PDE4B: variants seen among roughly 807,000 people sequenced by gnomAD.
The protein encoded by PDE4B is phosphodiesterase 4B.
A neutral mutation model predicts 82.2 loss-of-function variants in PDE4B; 20 were observed. That is an observed-to-expected ratio of 0.24 (90% confidence interval 0.17 to 0.35). The LOEUF is 0.35. PDE4B is among the 10% of genes least tolerant of loss of function. The pLI is 1.00. For synonymous variants in PDE4B, 320 were observed against 318.9 expected, an observed-to-expected ratio of 1.00 and a Z score of -0.04; for missense variants, 655 against 907.2, an observed-to-expected ratio of 0.72 and a Z score of 3.57.
At chr1:66,081,853 T>C (rs2100962875) in intron 3 of PDE4B, among the ~76,000 whole-genome samples, 1 of 152,004 alleles carries the variant, frequency 6.6e-6, no homozygotes, top group African/African-American at 2.4e-5. Context: ...TGTGTGTGTG[T>C]GTGTGTGTGT....
intron 7 of PDE4B, among the ~76,000 whole-genome samples, chr1:66,327,441 A>AT (rs1223938533): frequency 2.0e-5 from 3 of 152,286 alleles, no homozygotes; most frequent in South Asian, 2.1e-4. Flanking sequence ...AAAATGTGAG[A>AT]TTTTTTATCA....
intron 8 of PDE4B, among the ~76,000 whole-genome samples, chr1:66,353,975 G>A (rs764752209): frequency 6.6e-6 from 1 of 152,076 alleles, no homozygotes; most frequent in Non-Finnish European, 1.5e-5. Flanking sequence ...TGAGCTGATG[G>A]AGGGCAGAAA....
At chr1:65,838,297 A>G (rs1646164603) in intron 1 of PDE4B, among the ~76,000 whole-genome samples, 1 of 152,096 alleles carries the variant, frequency 6.6e-6, no homozygotes, top group African/African-American at 2.4e-5. Context: ...AATATTGACA[A>G]GAAATTTAAT....
chr1:66,260,192 A>C (rs1301463775), intron 6 of PDE4B, among the ~76,000 whole-genome samples: 2 of 152,150 alleles, frequency 1.3e-5, no homozygotes, highest in Non-Finnish European at 2.9e-5. Context: ...TGTTACCCCC[A>C]CTCTATGGAT....
chr1:66,116,311 G>A (rs1353603662), intron 3 of PDE4B, among the ~76,000 whole-genome samples: 2 of 152,088 alleles, frequency 1.3e-5, no homozygotes, highest in East Asian at 3.8e-4. Flanking sequence ...CCATTAAAAA[G>A]CTGGTTTGGA....
chr1:66,319,941 T>C (rs1461304243), intron 7 of PDE4B, among the ~76,000 whole-genome samples: 1 of 152,148 alleles, frequency 6.6e-6, no homozygotes, highest in African/African-American at 2.4e-5. Flanking sequence ...CTCTCCAAAA[T>C]TTGGCCCTGA....
At chr1:65,992,766 C>T (rs551058401) in intron 3 of PDE4B, 25 of 1,409,652 alleles carry the variant, frequency 1.8e-5, no homozygotes, top group Admixed American at 3.1e-5. Flanking sequence ...TGCTCTAAGA[C>T]GCTCATACAT....
chr1:65,829,481 A>G (rs1431996418), intron 1 of PDE4B, among the ~76,000 whole-genome samples: 1 of 152,208 alleles, frequency 6.6e-6, no homozygotes, highest in Admixed American at 6.5e-5. Context: ...ACTCCAATCA[A>G]CAAAAACATA....
chr1:66,191,636 A>G (rs544156938), intron 3 of PDE4B, among the ~76,000 whole-genome samples: 1 of 152,268 alleles, frequency 6.6e-6, no homozygotes, highest in East Asian at 1.9e-4. Context: ...TGCAAGTGGA[A>G]GGGGAGAATC....
At chr1:66,170,734 G>A (rs1239536075) in intron 3 of PDE4B, among the ~76,000 whole-genome samples, 1 of 152,166 alleles carries the variant, frequency 6.6e-6, no homozygotes, top group Admixed American at 6.6e-5. Flanking sequence ...TCCATGAACT[G>A]TGTCTCCATT....
chr1:65,814,226 T>C (rs1004765688), intron 1 of PDE4B, among the ~76,000 whole-genome samples: 3 of 152,228 alleles, frequency 2.0e-5, no homozygotes, highest in Non-Finnish European at 4.4e-5. Flanking sequence ...TTCCTCTAGC[T>C]GGCTGGACTG....
intron 3 of PDE4B, among the ~76,000 whole-genome samples, chr1:66,178,118 T>C (rs1646973466): frequency 6.6e-6 from 1 of 151,882 alleles, no homozygotes; most frequent in Non-Finnish European, 1.5e-5. Flanking sequence ...TCAGGATAGG[T>C]AACATATTTT....
chr1:66,328,212 A>G lies in PDE4B; in HGVS notation c.635-4296A>G, dbSNP rs951048496. On this transcript the variant is annotated intron_variant, in intron 7 of 16. Coordinates refer to ENST00000341517, the MANE Select transcript of PDE4B (RefSeq NM_002600.4). ...AATACCCAGCAAACTTATAGAAGGAAGAAAATCTTTCTGTGCCACTCTTGT... is the reference window on the plus strand; with the variant it reads ...AATACCCAGCAAACTTATAGAAGGAGGAAAATCTTTCTGTGCCACTCTTGT... 2.6e-5 allele frequency among the ~76,000 whole-genome samples: 4 copies of G among 152,234 alleles called. No individual in the cohort carries two copies. The East Asian group carries it at 7.7e-4, about 29-fold the overall frequency.
intron 3 of PDE4B, among the ~76,000 whole-genome samples, chr1:66,234,963 C>T (rs188518813): frequency 1.3e-5 from 2 of 152,246 alleles, no homozygotes; most frequent in East Asian, 1.9e-4. Context: ...ATAATGTTTT[C>T]GTTGTCATTC....
chr1:66,116,494 G>A (rs1160301341), intron 3 of PDE4B, among the ~76,000 whole-genome samples: 1 of 152,218 alleles, frequency 6.6e-6, no homozygotes, highest in Non-Finnish European at 1.5e-5. Flanking sequence ...ACATCCTTTA[G>A]AATTCTTCCA....
intron 9 of PDE4B, among the ~76,000 whole-genome samples, chr1:66,359,666 T>A (rs1662592765): frequency 6.6e-6 from 1 of 152,200 alleles, no homozygotes. Context: ...AATGGTTATA[T>A]GTGCAGTGAC....
intron 1 of PDE4B, among the ~76,000 whole-genome samples, chr1:65,903,579 CA>C (rs1358912681): frequency 6.6e-6 from 1 of 151,540 alleles, no homozygotes; most frequent in Non-Finnish European, 1.5e-5. Context: ...GAGCCTGTCT[CA>C]AAATAATTTT....
At chr1:66,173,616 G>C (rs577506294) in intron 3 of PDE4B, among the ~76,000 whole-genome samples, 4 of 152,312 alleles carry the variant, frequency 2.6e-5, no homozygotes. Context: ...TTGTTAAGTG[G>C]TAAAATGTTT....
chr1:66,099,360 A>G (rs1356957977), intron 3 of PDE4B, among the ~76,000 whole-genome samples: 1 of 151,998 alleles, frequency 6.6e-6, no homozygotes, highest in African/African-American at 2.4e-5. Flanking sequence ...TCTTTATCCA[A>G]CCTATCATTG....
Sources: gnomAD v4.1 joint callset for allele counts (sites outside exome capture counted in the v4.1 genomes callset) on GRCh38, gnomAD v4.1.1 for gene constraint, MANE v1.5 for transcripts, NCBI Gene and HGNC (gene_info 2026-07-23, HGNC 2026-07-21) for gene names.